RAPGEF1: variants seen among roughly 807,000 people sequenced by gnomAD.
RAPGEF1 encodes CRK SH3-binding GNRP.
Under a neutral mutation model 143.3 loss-of-function variants are expected in RAPGEF1, and 33 were observed. That is an observed-to-expected ratio of 0.23 (90% CI 0.17 to 0.31). The LOEUF (loss-of-function observed/expected upper bound fraction) is 0.31, where lower values mean the gene tolerates loss of function less well. Among genes scored for constraint, RAPGEF1 ranks in the 10% least tolerant of loss-of-function variants. The pLI, the probability that RAPGEF1 is intolerant of heterozygous loss-of-function variation, is 1.00. For synonymous variants in RAPGEF1, 629 were observed against 676.5 expected, an observed-to-expected ratio of 0.93 and a Z score of 1.09; for missense variants, 1,199 against 1,645.4, an observed-to-expected ratio of 0.73 and a Z score of 4.69.
At chr9:131,709,826 G>A in intron 1 of RAPGEF1, 1 of 1,446,654 alleles carries the variant, frequency 6.9e-7, no homozygotes, top group Middle Eastern at 2.4e-4. Flanking sequence ...CCTCACAAGG[G>A]AAGCCTGAGG....
chr9:131,680,410 G>A (rs1832805218), intron 1 of RAPGEF1, among the ~76,000 whole-genome samples: 1 of 152,126 alleles, frequency 6.6e-6, no homozygotes, highest in Non-Finnish European at 1.5e-5. Flanking sequence ...GCCATAAATT[G>A]GCCCCAAAAC....
chr9:131,649,971 AG>A lies in RAPGEF1; in HGVS notation c.315+157del, dbSNP rs1487704529. ...TTGCATAAACTCTCACTTTTATCCA[AG>A]GTCCCCTGGACTCTTTCCTGAACAA... is the stretch of plus-strand genomic sequence containing the variant. On this transcript the variant is annotated intron_variant, in intron 3 of 26. Transcript: ENST00000683357. Among the ~76,000 whole-genome samples, 12 of 152,290 alleles carry A rather than the reference AG, an allele frequency of 7.9e-5. No individual in the cohort carries two copies. The East Asian group carries it at 2.3e-3, about 29-fold the overall frequency.
intron 11 of RAPGEF1, among the ~76,000 whole-genome samples, chr9:131,620,274 CTTTTT>C (rs10708548): frequency 2.1e-5 from 3 of 146,328 alleles, no homozygotes; most frequent in African/African-American, 7.5e-5. Context: ...TCAGCAATGG[CTTTTT>C]TTTTTTTTTA....
chr9:131,602,674 ACT>A (rs1419882040), intron 14 of RAPGEF1, among the ~76,000 whole-genome samples: 9 of 151,976 alleles, frequency 5.9e-5, no homozygotes, highest in Admixed American at 2.0e-4. Flanking sequence ...CGTGAACCAA[ACT>A]CTGCTGATTT....
At chr9:131,598,844 A>G (rs1955764082) in intron 15 of RAPGEF1, among the ~76,000 whole-genome samples, 2 of 85,740 alleles carry the variant, frequency 2.3e-5, no homozygotes, top group African/African-American at 9.9e-5. Flanking sequence ...TTTTTTTTTG[A>G]GACGGAGTCT....
intron 1 of RAPGEF1, among the ~76,000 whole-genome samples, chr9:131,656,629 G>A (rs1972544090): frequency 6.6e-6 from 1 of 152,198 alleles, no homozygotes; most frequent in African/African-American, 2.4e-5. Context: ...CTGAGTTGCT[G>A]TTCAGGCAGG....
At chr9:131,720,578 G>T (rs752631187) in intron 1 of RAPGEF1, among the ~76,000 whole-genome samples, 1 of 152,244 alleles carries the variant, frequency 6.6e-6, no homozygotes, top group Non-Finnish European at 1.5e-5. Flanking sequence ...CTGGGTACCC[G>T]GCAGGTCCTC....
chr9:131,643,129 G>A, intron 4 of RAPGEF1, 110 bp downstream of exon 4: 2 of 1,245,602 alleles, frequency 1.6e-6, no homozygotes, highest in Non-Finnish European at 2.2e-6. Context: ...GGGTGATGGA[G>A]TCCTTTTCCT....
chr9:131,610,410 A>C (rs1300907222), intron 12 of RAPGEF1, among the ~76,000 whole-genome samples: 1 of 152,220 alleles, frequency 6.6e-6, no homozygotes, highest in East Asian at 1.9e-4. Flanking sequence ...TCCACCAGTT[A>C]CAGCGAAATG....
At chr9:131,606,103 C>T (rs1244806226) in intron 12 of RAPGEF1, among the ~76,000 whole-genome samples, 4 of 152,146 alleles carry the variant, frequency 2.6e-5, no homozygotes, top group Admixed American at 1.3e-4. Context: ...CTTACAACAG[C>T]TTTGATGCCA....
At chr9:131,677,268 ATCT>A (rs1327114548) in intron 1 of RAPGEF1, among the ~76,000 whole-genome samples, 1 of 152,214 alleles carries the variant, frequency 6.6e-6, no homozygotes, top group African/African-American at 2.4e-5. Context: ...TTTAGCCATG[ATCT>A]TCTTCCAAAA....
intron 1 of RAPGEF1, among the ~76,000 whole-genome samples, chr9:131,693,171 CATG>C (rs1346577165): frequency 6.6e-6 from 1 of 152,174 alleles, no homozygotes; most frequent in Non-Finnish European, 1.5e-5. Flanking sequence ...CCAAGAAATG[CATG>C]ATAATGAGGA....
chr9:131,719,395 G>A (rs755031489), intron 1 of RAPGEF1, among the ~76,000 whole-genome samples: 7 of 151,984 alleles, frequency 4.6e-5, no homozygotes, highest in Non-Finnish European at 1.0e-4. Flanking sequence ...TCTTGTTCAC[G>A]TGTACTTATA....
At chr9:131,730,076 C>A (rs1264062116) in intron 1 of RAPGEF1, among the ~76,000 whole-genome samples, 2 of 151,528 alleles carry the variant, frequency 1.3e-5, no homozygotes, top group African/African-American at 4.8e-5. Context: ...CACCTGTAGT[C>A]CCAGCTACTC....
chr9:131,595,312 C>G (rs1955063110), intron 17 of RAPGEF1, among the ~76,000 whole-genome samples: 1 of 152,200 alleles, frequency 6.6e-6, no homozygotes, highest in East Asian at 1.9e-4. Context: ...TTTGTGGGAG[C>G]CATCTCTTCT....
chr9:131,596,761 C>A (rs1227890303), intron 16 of RAPGEF1, among the ~76,000 whole-genome samples: 1 of 152,184 alleles, frequency 6.6e-6, no homozygotes, highest in African/African-American at 2.4e-5. Flanking sequence ...AGACAGTCCC[C>A]AGCCTTGCCC....
Position 131,643,606 on chromosome 9 carries a change from A to G in RAPGEF1, c.316-189T>C, listed in dbSNP as rs74629397. Reference sequence around the variant, plus strand: ...AGACAGAGGGTAGAGCTGAAGGAAGAAGGGGGCTTGGACCAAGATAGCTCA... The same window carrying G: ...AGACAGAGGGTAGAGCTGAAGGAAGGAGGGGGCTTGGACCAAGATAGCTCA... On this transcript the variant is annotated intron_variant, in intron 3 of 26. Transcript: ENST00000683357. Among the ~76,000 whole-genome samples, 454 of 152,310 alleles carry G rather than the reference A, an allele frequency of 3.0e-3. 4 individuals are homozygous for G. Among genetic ancestry groups the G allele is most frequent in the African/African-American group, 9.9e-3 (412 of 41,562 alleles).
intron 6 of RAPGEF1, 41 bp from the exon 7 acceptor site, chr9:131,629,295 G>A: frequency 1.3e-6 from 2 of 1,589,570 alleles, no homozygotes; most frequent in Middle Eastern, 1.7e-4. Flanking sequence ...GAAGGTCAAA[G>A]GCGGGACAGA....
chr9:131,614,034 CA>C (rs2132683529), intron 12 of RAPGEF1, among the ~76,000 whole-genome samples: 1 of 152,278 alleles, frequency 6.6e-6, no homozygotes, highest in East Asian at 1.9e-4. Flanking sequence ...GGAGAGGCCT[CA>C]AGGGGGCTTC....
Sources: allele counts gnomAD v4.1 joint callset (sites outside exome capture counted in the v4.1 genomes callset), GRCh38; gene constraint gnomAD v4.1.1; transcripts MANE v1.5; gene names NCBI Gene and HGNC (gene_info 2026-07-23, HGNC 2026-07-21).